SLC7A2: variants seen among roughly 807,000 people sequenced by gnomAD.
SLC7A2 encodes the protein cationic amino acid transporter 2.
In SLC7A2, 48 loss-of-function variants were observed where a neutral mutation model predicts 58.9. The ratio of observed to expected loss-of-function variants is 0.82; its 90% CI spans 0.65 to 1.04. The LOEUF is 1.04. Ranked by LOEUF, SLC7A2 falls within the 50% of genes least tolerant of loss-of-function variation. The pLI, the probability that SLC7A2 is intolerant of heterozygous loss-of-function variation, is 0.00. For synonymous variants in SLC7A2, 363 were observed against 314.5 expected, an observed-to-expected ratio of 1.15 and a Z score of -1.63; for missense variants, 1,029 against 818.8, an observed-to-expected ratio of 1.26 and a Z score of -3.13.
intron 1 of SLC7A2, among the ~76,000 whole-genome samples, chr8:17,499,420 C>T (rs998010882): frequency 1.3e-5 from 2 of 150,582 alleles, no homozygotes; most frequent in South Asian, 2.1e-4. Context: ...CTCTCTCCCC[C>T]CTTCTCTCTC....
intron 2 of SLC7A2, among the ~76,000 whole-genome samples, chr8:17,527,126 A>T (rs1487219518): frequency 6.6e-6 from 1 of 152,220 alleles, no homozygotes. Context: ...ATACACAGGT[A>T]GGTAGGGTAC....
At chr8:17,556,850 C>A (rs1802728954) in intron 8 of SLC7A2, among the ~76,000 whole-genome samples, 1 of 152,132 alleles carries the variant, frequency 6.6e-6, no homozygotes, top group Non-Finnish European at 1.5e-5. Flanking sequence ...CTCAGGTGAT[C>A]TGCCCGGCCC....
intron 2 of SLC7A2, 117 bp from the exon 3 acceptor site, chr8:17,543,201 C>A (rs868801466): frequency 3.3e-6 from 3 of 915,762 alleles, no homozygotes; most frequent in Non-Finnish European, 4.9e-6. Context: ...CACACACACA[C>A]ACACACACAC....
At chr8:17,539,790 T>C (rs1418644735) in intron 2 of SLC7A2, among the ~76,000 whole-genome samples, 1 of 152,160 alleles carries the variant, frequency 6.6e-6, no homozygotes, top group Non-Finnish European at 1.5e-5. Flanking sequence ...GTCTATGCCC[T>C]CCAGATTAAT....
At chr8:17,548,893 T>A (rs1802308094) in intron 5 of SLC7A2, 50 bp downstream of exon 5, 1 of 1,455,398 alleles carries the variant, frequency 6.9e-7, no homozygotes, top group Non-Finnish European at 9.5e-7. Context: ...AAGAAAATAT[T>A]TTAAGTGGGT....
At chr8:17,562,736 G>A (rs917385773) in intron 11 of SLC7A2, among the ~76,000 whole-genome samples, 1 of 152,134 alleles carries the variant, frequency 6.6e-6, no homozygotes, top group Non-Finnish European at 1.5e-5. Flanking sequence ...TATTATATAT[G>A]ATAGTAAACA....
intron 2 of SLC7A2, among the ~76,000 whole-genome samples, chr8:17,521,072 T>C (rs1398331244): frequency 1.3e-5 from 2 of 152,188 alleles, no homozygotes; most frequent in South Asian, 2.1e-4. Context: ...TTTGTTGGTA[T>C]TATTGATTAG....
chr8:17,565,869 G>C lies in SLC7A2; in HGVS notation c.*723G>C, dbSNP rs537460122. ...CTAGTTGGCATCCTTTTGAACTTTT[G>C]TCTCCTTTGCAAACAGTGGTCCTAA... On this transcript the variant is annotated 3_prime_UTR_variant, in exon 13 of 13. Coordinates refer to ENST00000494857, the MANE Select transcript of SLC7A2 (RefSeq NM_001370338.1). 1 of 152,294 alleles carries C rather than the reference G, an allele frequency of 6.6e-6. No individual in the cohort carries two copies. The highest frequency in any genetic ancestry group is 1.5e-5 in the Non-Finnish European group (1 of 68,042). 9.4% of individuals were successfully genotyped at this position (152,294 alleles called of 1,614,324 possible).
At chr8:17,496,456 T>TA (rs1335316599), upstream of SLC7A2, among the ~76,000 whole-genome samples, 1 of 152,216 alleles carries the variant, frequency 6.6e-6, no homozygotes, top group Non-Finnish European at 1.5e-5. Context: ...CAGAGACTCC[T>TA]AAAGTAAACA....
At chr8:17,555,580 T>C (rs1201054921) in intron 8 of SLC7A2, among the ~76,000 whole-genome samples, 2 of 151,750 alleles carry the variant, frequency 1.3e-5, no homozygotes, top group African/African-American at 4.9e-5. Flanking sequence ...TTCAAGATGA[T>C]TTATGCTTGG....
chr8:17,522,424 G>A (rs10106625), intron 2 of SLC7A2, among the ~76,000 whole-genome samples: 73,114 of 151,828 alleles, frequency 0.48, 18,601 homozygotes, highest in Middle Eastern at 0.59. Flanking sequence ...ACTTGGCCAT[G>A]CTGACTACAA....
intron 9 of SLC7A2, among the ~76,000 whole-genome samples, chr8:17,558,966 C>A (rs1236125362): frequency 2.6e-5 from 4 of 152,102 alleles, no homozygotes; most frequent in African/African-American, 9.7e-5. Flanking sequence ...ATGAAGAAAT[C>A]ATATATGCCG....
chr8:17,528,080 T>C (rs1205252364), intron 2 of SLC7A2, among the ~76,000 whole-genome samples: 1 of 151,996 alleles, frequency 6.6e-6, no homozygotes, highest in East Asian at 1.9e-4. Flanking sequence ...CAGAACGCCC[T>C]GGGGCACTCA....
intron 2 of SLC7A2, among the ~76,000 whole-genome samples, chr8:17,516,686 T>G (rs558003741): frequency 2.0e-5 from 3 of 152,304 alleles, no homozygotes; most frequent in Admixed American, 1.3e-4. Context: ...TGCAGTTTCT[T>G]TCATTGCTCT....
intron 12 of SLC7A2, among the ~76,000 whole-genome samples, chr8:17,564,295 A>G (rs551444848): frequency 1.3e-5 from 2 of 152,372 alleles, no homozygotes; most frequent in Admixed American, 6.5e-5. Flanking sequence ...TTTAAAGTAC[A>G]GTATTGACTT....
intron 2 of SLC7A2, among the ~76,000 whole-genome samples, chr8:17,522,646 G>A (rs1395054103): frequency 6.6e-6 from 1 of 152,080 alleles, no homozygotes; most frequent in Non-Finnish European, 1.5e-5. Flanking sequence ...ATAAAGACTA[G>A]GTCCTGTGTC....
intron 4 of SLC7A2, among the ~76,000 whole-genome samples, chr8:17,548,119 T>A (rs1802265296): frequency 6.6e-6 from 1 of 152,134 alleles, no homozygotes; most frequent in South Asian, 2.1e-4. Context: ...GGCAGGCAGA[T>A]CACTTGAGGT....
intron 2 of SLC7A2, among the ~76,000 whole-genome samples, chr8:17,513,398 C>T (rs773780909): frequency 2.4e-4 from 36 of 152,116 alleles, no homozygotes; most frequent in Non-Finnish European, 4.3e-4. Context: ...TAAGTTTGCT[C>T]TAAACTGAAA....
At chr8:17,527,128 G>A (rs1801252413) in intron 2 of SLC7A2, among the ~76,000 whole-genome samples, 1 of 152,136 alleles carries the variant, frequency 6.6e-6, no homozygotes, top group Admixed American at 6.5e-5. Context: ...ACACAGGTAG[G>A]TAGGGTACTT....
Sources: allele counts gnomAD v4.1 joint callset (sites outside exome capture counted in the v4.1 genomes callset), GRCh38; gene constraint gnomAD v4.1.1; transcripts MANE v1.5; gene names NCBI Gene and HGNC (gene_info 2026-07-23, HGNC 2026-07-21).